N4BP2L2: variants seen among roughly 807,000 people sequenced by gnomAD.
N4BP2L2 encodes the protein NEDD4 binding protein 2 like 2.
Under a neutral mutation model 56.2 loss-of-function variants are expected in N4BP2L2, and 50 were observed. The observed-to-expected ratio is 0.89, with a 90% confidence interval of 0.71 to 1.13. The LOEUF (loss-of-function observed/expected upper bound fraction) is 1.13. N4BP2L2 is among the 50% of genes most tolerant of loss of function. The pLI, the probability that N4BP2L2 is intolerant of heterozygous loss-of-function variation, is 0.00. For synonymous variants in N4BP2L2, 203 were observed against 223.6 expected, an observed-to-expected ratio of 0.91 and a Z score of 0.82; for missense variants, 689 against 693.8, an observed-to-expected ratio of 0.99 and a Z score of 0.08.
exon 6 of N4BP2L2, chr13:32,511,328 C>T (rs2048095972): frequency 2.0e-5 from 3 of 152,292 alleles, no homozygotes; most frequent in East Asian, 1.9e-4. Flanking sequence ...AAATAGTTAT[C>T]AGCTTTCCTT....
chr13:32,468,849 GC>G (rs1296187498), intron 6 of N4BP2L2, among the ~76,000 whole-genome samples: 2 of 152,226 alleles, frequency 1.3e-5, no homozygotes, highest in African/African-American at 4.8e-5. Flanking sequence ...AGCCAGCTTG[GC>G]TTGTGCCCAG....
intron 6 of N4BP2L2, among the ~76,000 whole-genome samples, chr13:32,468,187 A>G (rs921046410): frequency 6.6e-6 from 1 of 151,412 alleles, no homozygotes; most frequent in Non-Finnish European, 1.5e-5. Flanking sequence ...AGATGGCCTC[A>G]GGGTTAAGGA....
At chr13:32,534,502 G>A (rs2055976814) in intron 2 of N4BP2L2, among the ~76,000 whole-genome samples, 1 of 152,076 alleles carries the variant, frequency 6.6e-6, no homozygotes, top group Non-Finnish European at 1.5e-5. Flanking sequence ...CCATGTTTGT[G>A]AGACCTCACT....
intron 3 of N4BP2L2, chr13:32,525,658 G>A (rs1031511618): frequency 6.6e-6 from 1 of 152,140 alleles, no homozygotes; most frequent in African/African-American, 2.4e-5. Flanking sequence ...AACAAAGCAA[G>A]ACCCCATCTC....
chr13:32,478,062 G>T (rs564243084), intron 6 of N4BP2L2: 1 of 1,288,674 alleles, frequency 7.8e-7, no homozygotes, highest in Non-Finnish European at 1.0e-6. Flanking sequence ...TGGGAAAATT[G>T]TGAAATATAT....
At chr13:32,516,143 A>G (rs1043230967) in exon 6 of N4BP2L2, 2 of 152,200 alleles carry the variant, frequency 1.3e-5, no homozygotes, top group Non-Finnish European at 2.9e-5. Flanking sequence ...CCAAAATGAA[A>G]TCCTTTTGTA....
At chr13:32,482,523 T>C (rs762701084) in intron 6 of N4BP2L2, among the ~76,000 whole-genome samples, 3 of 151,854 alleles carry the variant, frequency 2.0e-5, no homozygotes, top group Non-Finnish European at 2.9e-5. Flanking sequence ...AATTTTTTTT[T>C]TTTTTTGTAT....
intron 8 of N4BP2L2, chr13:32,436,425 T>C (rs1173316940): frequency 9.4e-7 from 1 of 1,066,398 alleles, no homozygotes; most frequent in Non-Finnish European, 1.3e-6. Context: ...ATAATTAAAA[T>C]ACATAAAATA....
intron 6 of N4BP2L2, among the ~76,000 whole-genome samples, chr13:32,464,820 G>A (rs1286895244): frequency 2.0e-5 from 3 of 151,818 alleles, no homozygotes; most frequent in Admixed American, 1.3e-4. Context: ...CATACAAATG[G>A]TCCAAAATAC....
intron 6 of N4BP2L2, chr13:32,444,145 A>G (rs967261565): frequency 6.9e-7 from 1 of 1,459,328 alleles, no homozygotes; most frequent in Non-Finnish European, 9.0e-7. Flanking sequence ...TTAAAGAATT[A>G]AGAAAATGTA....
chr13:32,473,419 G>T (rs182511157), intron 6 of N4BP2L2, among the ~76,000 whole-genome samples: 5 of 152,000 alleles, frequency 3.3e-5, no homozygotes, highest in African/African-American at 1.2e-4. Context: ...ACATTGACTG[G>T]ATCCTAGTTT....
At chr13:32,442,257 A>T in intron 7 of N4BP2L2, 1 of 808,348 alleles carries the variant, frequency 1.2e-6, no homozygotes, top group South Asian at 2.0e-5. Flanking sequence ...ATGGATCCTC[A>T]CTCACTGCTG....
intron 6 of N4BP2L2, among the ~76,000 whole-genome samples, chr13:32,461,723 C>T (rs538018712): frequency 1.3e-5 from 2 of 152,304 alleles, no homozygotes; most frequent in East Asian, 3.9e-4. Context: ...CTATCTCAGC[C>T]TCCTGAGAAG....
At chr13:32,480,494 CTCT>C (rs1335955915) in intron 6 of N4BP2L2, 12 of 628,378 alleles carry the variant, frequency 1.9e-5, no homozygotes, top group Non-Finnish European at 2.9e-5. Context: ...TATTTAAAGT[CTCT>C]TCAACAATAA....
exon 6 of N4BP2L2, chr13:32,515,084 GCTGACATCATGCCA>G (rs1441485285): frequency 6.6e-6 from 1 of 151,550 alleles, no homozygotes; most frequent in Non-Finnish European, 1.5e-5. Flanking sequence ...GTTGCAGTGA[GCTGACATCATGCCA>G]CTGTACTCCA....
chr13:32,461,254 G>A (rs1218077159), intron 6 of N4BP2L2, among the ~76,000 whole-genome samples: 1 of 152,116 alleles, frequency 6.6e-6, no homozygotes, highest in African/African-American at 2.4e-5. Flanking sequence ...AAATAAAATA[G>A]TAGATAAATG....
At position 32,485,087 on chromosome 13, in the gene N4BP2L2, T is replaced by A. The variant is rs527460243; in HGVS notation, c.365+32770A>T. Among the ~76,000 whole-genome samples, 7 of 152,306 alleles carry A rather than the reference T, an allele frequency of 4.6e-5. 1 individual carries two copies. The South Asian group carries it at 1.4e-3, about 32-fold the overall frequency. ...TAGTCACAGGCTAACCTCAAAAAAT[T>A]TCACTAGAAATATGTCATTTGTTTT... On this transcript the variant is annotated intron_variant, in intron 6 of 9. Coordinates refer to the N4BP2L2 transcript ENST00000357505.
intron 3 of N4BP2L2, 103 bp downstream of exon 3, chr13:32,527,305 C>A (rs917164162): frequency 6.3e-6 from 8 of 1,274,354 alleles, no homozygotes; most frequent in Non-Finnish European, 8.6e-6. Flanking sequence ...AAACGGCTTG[C>A]CTACAGTCAT....
intron 6 of N4BP2L2, among the ~76,000 whole-genome samples, chr13:32,504,028 T>C (rs1425356889): frequency 6.6e-6 from 1 of 152,200 alleles, no homozygotes; most frequent in African/African-American, 2.4e-5. Context: ...AAAAAGAGTC[T>C]TGTCTAAGAA....
Sources: gnomAD v4.1 joint callset for allele counts (sites outside exome capture counted in the v4.1 genomes callset) on GRCh38, gnomAD v4.1.1 for gene constraint, MANE v1.5 for transcripts, NCBI Gene and HGNC (gene_info 2026-07-23, HGNC 2026-07-21) for gene names.